Variants in CYB5R4 observed in about 807,000 individuals in gnomAD.
CYB5R4 encodes the protein N-terminal cytochrome b5 and cytochrome b5 oxidoreductase domain-containing protein.
In CYB5R4, 55 loss-of-function variants were observed where a neutral mutation model predicts 70.2. That is an observed-to-expected ratio of 0.78 (90% CI 0.63 to 0.98). The LOEUF is 0.98. CYB5R4 is among the 50% of genes least tolerant of loss of function. The probability of loss-of-function intolerance (pLI) is 0.00; values close to 1 mark genes in which losing one functional copy is unlikely to be tolerated. For missense variants in CYB5R4, 562 were observed against 612.6 expected (o/e 0.92, Z 0.87); for synonymous variants, 197 against 199.5 (o/e 0.99, Z 0.11).
chr6:83,896,137 A>G (rs1237098527), intron 3 of CYB5R4, among the ~76,000 whole-genome samples: 1 of 151,994 alleles, frequency 6.6e-6, no homozygotes, highest in Non-Finnish European at 1.5e-5. Flanking sequence ...GTGCCCCAGT[A>G]TCCAATCACT....
chr6:83,959,109 G>A (rs377187857), intron 15 of CYB5R4, among the ~76,000 whole-genome samples: 1 of 152,088 alleles, frequency 6.6e-6, no homozygotes, highest in Non-Finnish European at 1.5e-5. Context: ...TAATAAATGA[G>A]CAGACATTTT....
rs140749154 is a variant in CYB5R4, at chr6:83,964,965, C to G, written c.*5087C>G. Reference sequence around the variant, plus strand: ...ATGTGATGTTGAGCATGTGGGTGCACAGAAGTCAAGAAATGGGGTTTGGGA... The same window carrying G: ...ATGTGATGTTGAGCATGTGGGTGCAGAGAAGTCAAGAAATGGGGTTTGGGA... On this transcript the variant is annotated 3_prime_UTR_variant, in exon 16 of 16. Transcript: ENST00000369681. The G allele has an allele frequency of 6.6e-6, 1 of 152,234 alleles. No individual in the cohort carries two copies. Among genetic ancestry groups the G allele is most frequent in the African/African-American group, 2.4e-5 (1 of 41,528 alleles). 9.4% of individuals were successfully genotyped at this position (152,234 alleles called of 1,614,324 possible).
intron 10 of CYB5R4, among the ~76,000 whole-genome samples, chr6:83,928,490 A>G (rs973393803): frequency 6.6e-6 from 1 of 152,104 alleles, no homozygotes; most frequent in Non-Finnish European, 1.5e-5. Flanking sequence ...AGTGAGGTCC[A>G]TGGCTTTCAG....
intron 12 of CYB5R4, among the ~76,000 whole-genome samples, chr6:83,936,912 G>A (rs1562843612): frequency 6.6e-6 from 1 of 152,182 alleles, no homozygotes; most frequent in Non-Finnish European, 1.5e-5. Flanking sequence ...TCATTCACAG[G>A]TACATGCAGT....
chr6:83,879,179 C>T (rs1048497630), intron 2 of CYB5R4, among the ~76,000 whole-genome samples: 2 of 151,946 alleles, frequency 1.3e-5, no homozygotes, highest in African/African-American at 4.8e-5. Flanking sequence ...GTACTCAATG[C>T]AGCATCTAGA....
At chr6:83,879,807 C>T (rs72907644) in intron 2 of CYB5R4, among the ~76,000 whole-genome samples, 3,169 of 152,280 alleles carry the variant, frequency 0.021, 50 homozygotes, top group Non-Finnish European at 0.035. Flanking sequence ...GTCTGAGGTT[C>T]TCAGGGATTC....
Position 83,951,929 on chromosome 6 carries a change from G to A in CYB5R4, c.1347-3369G>A, listed in dbSNP as rs183962959. 1.5e-4 allele frequency among the ~76,000 whole-genome samples: 23 copies of A among 151,990 alleles called. 1 individual carries two copies. Among genetic ancestry groups the A allele is most frequent in the Non-Finnish European group, 2.7e-4 (18 of 67,902 alleles). On this transcript the variant is annotated intron_variant, in intron 14 of 15. Transcript: ENST00000369681. ...TGTAAAAGTGTTCCTGTTTCTCCAC[G>A]TCCTCTCCAGCATCTGTTACATTTT...
chr6:83,910,398 A>G (rs9344376), intron 4 of CYB5R4: 43,611 of 391,588 alleles, frequency 0.11, 5,436 homozygotes, highest in African/African-American at 0.39. Flanking sequence ...GGGCTTTACT[A>G]GACAGACAAG....
At chr6:83,924,721 T>A in intron 10 of CYB5R4, 129 bp downstream of exon 10, 1 of 928,762 alleles carries the variant, frequency 1.1e-6, no homozygotes, top group Non-Finnish European at 1.6e-6. Flanking sequence ...GCTAGGAAGT[T>A]TGAAAGGGAC....
chr6:83,933,325 A>G (rs1169366738), intron 10 of CYB5R4, among the ~76,000 whole-genome samples: 2 of 152,232 alleles, frequency 1.3e-5, no homozygotes, highest in Non-Finnish European at 2.9e-5. Context: ...TGCTACCATG[A>G]TAGGTGGAAA....
At chr6:83,952,710 A>T (rs956041843) in intron 14 of CYB5R4, among the ~76,000 whole-genome samples, 1 of 152,180 alleles carries the variant, frequency 6.6e-6, no homozygotes, top group Non-Finnish European at 1.5e-5. Flanking sequence ...TTGAGGAAAC[A>T]AGATAGGCTA....
At chr6:83,912,183 A>C (rs561998812) in intron 4 of CYB5R4, among the ~76,000 whole-genome samples, 3 of 151,874 alleles carry the variant, frequency 2.0e-5, no homozygotes, top group African/African-American at 7.3e-5. Context: ...CCTCCCATCT[A>C]CTGTTTTCCT....
rs901518838 is a variant in CYB5R4, at chr6:83,940,572, A to G, written c.1317A>G (p.Gln439=). Residue 439 remains glutamine, a synonymous_variant, in exon 14 of 16, where the codon CAA becomes CAG. Coordinates refer to ENST00000369681, the MANE Select transcript of CYB5R4 (RefSeq NM_016230.4). ...AAGATGATATAATTTGGAGAAGCCA[A>G]TTGGAGAAATTAGCATTTAAAGATA... ...KTEDDIIWRS[Q]LEKLAFKDKR... is the part of the protein sequence containing the mutation. The G allele has an allele frequency of 3.7e-6, 6 of 1,602,312 alleles. No individual in the cohort carries two copies. Among genetic ancestry groups the G allele is most frequent in the Middle Eastern group, 3.3e-4 (2 of 6,016 alleles).
intron 3 of CYB5R4, among the ~76,000 whole-genome samples, chr6:83,902,864 T>C (rs1304414851): frequency 6.6e-6 from 1 of 152,192 alleles, no homozygotes; most frequent in Non-Finnish European, 1.5e-5. Flanking sequence ...TGCTGAGTTT[T>C]GTATGTTGAT....
chr6:83,901,171 T>C (rs1386006208), intron 3 of CYB5R4, among the ~76,000 whole-genome samples: 1 of 152,170 alleles, frequency 6.6e-6, no homozygotes, highest in African/African-American at 2.4e-5. Flanking sequence ...GGTGACAAAA[T>C]CTCTCAGCAT....
rs1469435758 is a variant in CYB5R4, at chr6:83,900,144, C to T, written c.330+6522C>T. 7.2e-5 allele frequency among the ~76,000 whole-genome samples: 11 copies of T among 152,270 alleles called. No homozygotes were observed. In the East Asian group the frequency reaches 1.9e-3, roughly 27 times the overall value. Reference sequence around the variant, plus strand: ...CCTCTACACACTGCTTTGAATGTGTCCCAGAAATTCTGGTATGTTGTGTCT... The same window carrying T: ...CCTCTACACACTGCTTTGAATGTGTTCCAGAAATTCTGGTATGTTGTGTCT... On this transcript the variant is annotated intron_variant, in intron 3 of 15. Coordinates refer to ENST00000369681, the MANE Select transcript of CYB5R4 (RefSeq NM_016230.4).
At chr6:83,914,999 G>A (rs1453791896) in intron 5 of CYB5R4, among the ~76,000 whole-genome samples, 2 of 152,082 alleles carry the variant, frequency 1.3e-5, no homozygotes, top group Non-Finnish European at 2.9e-5. Context: ...TTGAATACTT[G>A]TAGCAGTTAG....
chr6:83,929,903 A>C (rs1339899953), intron 10 of CYB5R4, among the ~76,000 whole-genome samples: 1 of 152,142 alleles, frequency 6.6e-6, no homozygotes, highest in Non-Finnish European at 1.5e-5. Flanking sequence ...GTTAACAGCC[A>C]CTTACAGGCA....
chr6:83,925,199 C>T (rs1183636531), intron 10 of CYB5R4, among the ~76,000 whole-genome samples: 1 of 152,086 alleles, frequency 6.6e-6, no homozygotes, highest in African/African-American at 2.4e-5. Flanking sequence ...AAAACAGGCA[C>T]ATCTTACATG....
Sources: gnomAD v4.1 joint callset for allele counts (sites outside exome capture counted in the v4.1 genomes callset) on GRCh38, gnomAD v4.1.1 for gene constraint, MANE v1.5 for transcripts, NCBI Gene and HGNC (gene_info 2026-07-23, HGNC 2026-07-21) for gene names.